The following GNB1 variants were observed in gnomAD, a reference collection of about 807,000 sequenced individuals.
GNB1 encodes G protein subunit beta 1, also known as guanine nucleotide-binding protein G(I)/G(S)/G(T) subunit beta-1.
In GNB1, 2 loss-of-function variants were observed where a neutral mutation model predicts 42.9. The ratio of observed to expected loss-of-function variants is 0.05; its 90% CI spans 0.02 to 0.15. The LOEUF (loss-of-function observed/expected upper bound fraction) is 0.15, where lower values mean the gene tolerates loss of function less well. Ranked by LOEUF, GNB1 falls within the 10% of genes least tolerant of loss-of-function variation. GNB1 has a pLI of 1.00. For missense variants in GNB1, 193 were observed against 462.2 expected, an observed-to-expected ratio of 0.42 and a Z score of 5.34; for synonymous variants, 183 against 174.7, an observed-to-expected ratio of 1.05 and a Z score of -0.38.
intron 2 of GNB1, among the ~76,000 whole-genome samples, chr1:1,836,969 T>TA (rs1450486765): frequency 1.3e-5 from 2 of 150,898 alleles, no homozygotes; most frequent in East Asian, 3.9e-4. Flanking sequence ...TTACAGGTGT[T>TA]AGCCATAGTA....
At chr1:1,882,358 G>A (rs1389857008) in intron 1 of GNB1, among the ~76,000 whole-genome samples, 1 of 150,648 alleles carries the variant, frequency 6.6e-6, no homozygotes, top group Non-Finnish European at 1.5e-5. Flanking sequence ...AACCTGGGAG[G>A]CGGAGGTTGC....
chr1:1,839,415 G>A (rs956432966), intron 1 of GNB1, among the ~76,000 whole-genome samples, 177 bp from the exon 2 acceptor site: 6 of 151,966 alleles, frequency 3.9e-5, no homozygotes, highest in Non-Finnish European at 8.8e-5. Flanking sequence ...TTTCAGCATG[G>A]GAACAAAATA....
intron 1 of GNB1, among the ~76,000 whole-genome samples, chr1:1,854,484 A>G (rs1223387839): frequency 1.3e-5 from 2 of 152,238 alleles, no homozygotes; most frequent in Non-Finnish European, 2.9e-5. Context: ...AAAAAAGCTC[A>G]GTCATAAAAA....
At chr1:1,848,366 A>G (rs1248362318) in intron 1 of GNB1, among the ~76,000 whole-genome samples, 1 of 151,222 alleles carries the variant, frequency 6.6e-6, no homozygotes, top group African/African-American at 2.4e-5. Flanking sequence ...GCAAAAAAAA[A>G]AAAAAAAAGA....
At chr1:1,828,465 T>C (rs1284275918) in intron 2 of GNB1, among the ~76,000 whole-genome samples, 4 of 152,268 alleles carry the variant, frequency 2.6e-5, no homozygotes, top group East Asian at 1.9e-4. Context: ...TACAAGAACA[T>C]GTACACAACA....
At chr1:1,818,773 G>C (rs1646891429) in intron 3 of GNB1, among the ~76,000 whole-genome samples, 1 of 152,100 alleles carries the variant, frequency 6.6e-6, no homozygotes, top group Non-Finnish European at 1.5e-5. Flanking sequence ...TGAGGCAGGA[G>C]AATCACTTGA....
At chr1:1,889,804 T>C (rs1650370891) in intron 1 of GNB1, among the ~76,000 whole-genome samples, 1 of 151,388 alleles carries the variant, frequency 6.6e-6, no homozygotes, top group Non-Finnish European at 1.5e-5. Flanking sequence ...CAAGAAAAAA[T>C]ATAGCAGGTT....
intron 1 of GNB1, among the ~76,000 whole-genome samples, chr1:1,869,855 A>G (rs898716968): frequency 1.3e-5 from 2 of 152,106 alleles, no homozygotes; most frequent in African/African-American, 4.8e-5. Flanking sequence ...TTCAGATTCA[A>G]AAACAATCTT....
chr1:1,836,393 T>G (rs1239291952), intron 2 of GNB1, among the ~76,000 whole-genome samples: 1 of 141,160 alleles, frequency 7.1e-6, no homozygotes, highest in Admixed American at 7.0e-5. Flanking sequence ...ATTGCTTTTT[T>G]TTTTTTTTTT....
At chr1:1,806,598 G>A (rs1646698371) in intron 5 of GNB1, 60 bp from the exon 6 acceptor site, 3 of 1,139,950 alleles carry the variant, frequency 2.6e-6, no homozygotes, top group Admixed American at 1.8e-5. Flanking sequence ...GTGTACAAGA[G>A]CAACAGACTA....
intron 5 of GNB1, among the ~76,000 whole-genome samples, chr1:1,815,497 G>A (rs1646841546): frequency 6.6e-6 from 1 of 152,180 alleles, no homozygotes; most frequent in South Asian, 2.1e-4. Flanking sequence ...ACAGGAGAAG[G>A]GAGAAAGAAA....
chr1:1,833,491 TA>T (rs1647104028), intron 2 of GNB1, among the ~76,000 whole-genome samples: 1 of 152,062 alleles, frequency 6.6e-6, no homozygotes, highest in Admixed American at 6.5e-5. Flanking sequence ...ACACGACCAC[TA>T]ACGCAGCTGC....
chr1:1,840,021 C>T (rs1647204439), intron 1 of GNB1, among the ~76,000 whole-genome samples: 1 of 149,574 alleles, frequency 6.7e-6, no homozygotes, highest in Non-Finnish European at 1.5e-5. Flanking sequence ...TTTAAGAACA[C>T]ATTATGTTCT....
At position 1,851,853 on chromosome 1, in the gene GNB1, G is replaced by A. The variant is rs1033151623; in HGVS notation, c.-95-12615C>T. Among the ~76,000 whole-genome samples the A allele has an allele frequency of 3.3e-5, 5 of 151,970 alleles. No individual in the cohort carries two copies. The East Asian group carries it at 9.9e-4, about 30-fold the overall frequency. ...GAGGTCAGGAGTTTGAGACCAGCCTGACCAACACGGAGAAACCCCATGTCT... is the reference window on the plus strand; with the variant it reads ...GAGGTCAGGAGTTTGAGACCAGCCTAACCAACACGGAGAAACCCCATGTCT... On this transcript the variant is annotated intron_variant, in intron 1 of 11. Coordinates refer to ENST00000378609, the MANE Select transcript of GNB1 (RefSeq NM_002074.5).
At chr1:1,798,929 T>TA (rs1646584542) in intron 7 of GNB1, among the ~76,000 whole-genome samples, 1 of 151,164 alleles carries the variant, frequency 6.6e-6, no homozygotes, top group South Asian at 2.1e-4. Flanking sequence ...AACACTCTTT[T>TA]TTTTTTTTTT....
chr1:1,797,725 C>T (rs1646565685), intron 7 of GNB1, among the ~76,000 whole-genome samples: 1 of 152,234 alleles, frequency 6.6e-6, no homozygotes, highest in South Asian at 2.1e-4. Context: ...GCATGAGCCA[C>T]CGCGCCCAGC....
At chr1:1,885,773 T>C (rs1255537852) in intron 1 of GNB1, among the ~76,000 whole-genome samples, 1 of 150,392 alleles carries the variant, frequency 6.6e-6, no homozygotes, top group Non-Finnish European at 1.5e-5. Context: ...TTAGCCAGGA[T>C]GGTCTCAATC....
chr1:1,868,201 G>C (rs933899844), intron 1 of GNB1, among the ~76,000 whole-genome samples: 1 of 151,960 alleles, frequency 6.6e-6, no homozygotes, highest in African/African-American at 2.4e-5. Context: ...TTGAGACGGA[G>C]TTTCGCTCTT....
chr1:1,888,630 G>A (rs536036451), intron 1 of GNB1, among the ~76,000 whole-genome samples: 67 of 152,292 alleles, frequency 4.4e-4, no homozygotes, highest in Non-Finnish European at 9.4e-4. Context: ...CTGAGGTCTG[G>A]AGTTGGAGAC....
Sources: gnomAD v4.1 joint callset for allele counts (sites outside exome capture counted in the v4.1 genomes callset) on GRCh38, gnomAD v4.1.1 for gene constraint, MANE v1.5 for transcripts, NCBI Gene and HGNC (gene_info 2026-07-23, HGNC 2026-07-21) for gene names.